TSC22D1: variants seen among roughly 807,000 people sequenced by gnomAD.
The protein encoded by TSC22D1 is TSC22 domain family member 1.
TSC22D1 carries 9 observed loss-of-function variants against 74.2 expected under a neutral mutation model. The observed-to-expected ratio is 0.12, with a 90% CI of 0.07 to 0.21. The LOEUF is 0.21. Among genes scored for constraint, TSC22D1 ranks in the 10% least tolerant of loss-of-function variants. TSC22D1 has a pLI of 1.00. For synonymous variants in TSC22D1, 586 were observed against 492.5 expected, an observed-to-expected ratio of 1.19 and a Z score of -2.51; for missense variants, 1,427 against 1,304.7, an observed-to-expected ratio of 1.09 and a Z score of -1.44.
intron 1 of TSC22D1, among the ~76,000 whole-genome samples, chr13:44,551,143 T>C (rs1882209907): frequency 6.6e-6 from 1 of 151,720 alleles, no homozygotes; most frequent in African/African-American, 2.4e-5. Flanking sequence ...TGGTGACATG[T>C]ACCTGCAGTC....
intron 1 of TSC22D1, among the ~76,000 whole-genome samples, chr13:44,439,042 T>C (rs1462829829): frequency 6.6e-6 from 1 of 152,266 alleles, no homozygotes; most frequent in African/African-American, 2.4e-5. Context: ...CTGAATTTAT[T>C]CATGCCGTTC....
At chr13:44,556,178 T>C (rs1014891245) in intron 1 of TSC22D1, among the ~76,000 whole-genome samples, 1 of 150,918 alleles carries the variant, frequency 6.6e-6, no homozygotes, top group African/African-American at 2.4e-5. Context: ...CATTTATAAG[T>C]GAATCAGGAA....
intron 1 of TSC22D1, among the ~76,000 whole-genome samples, chr13:44,533,805 C>CA (rs1422313224): frequency 6.6e-6 from 1 of 151,886 alleles, no homozygotes; most frequent in Non-Finnish European, 1.5e-5. Flanking sequence ...AACAAACAAA[C>CA]AAAAATAGTA....
In TSC22D1 at chr13:44,528,469, A is replaced by G. The variant is rs181610686; in HGVS notation, c.2912+44694T>C. Among the ~76,000 whole-genome samples, 1,029 of 152,138 alleles carry G rather than the reference A, an allele frequency of 6.8e-3. 8 individuals carry two copies. Among genetic ancestry groups the G allele is most frequent in the Non-Finnish European group, 0.011 (745 of 67,898 alleles). ...TATAACATCGGTCAAAGAAGCCTCA[A>G]TTTTTTTAATTGTTTCAAACTAAAT... On this transcript the variant is annotated intron_variant, in intron 1 of 2. Coordinates refer to ENST00000458659, the MANE Select transcript of TSC22D1 (RefSeq NM_183422.4).
rs573357778 is a variant in TSC22D1 at position 44,519,823 on chromosome 13, T to C, written c.2912+53340A>G. 1.3e-4 allele frequency among the ~76,000 whole-genome samples: 20 copies of C among 152,236 alleles called. No homozygotes were observed. In the South Asian group the frequency reaches 4.2e-3, roughly 32 times the overall value. On this transcript the variant is annotated intron_variant, in intron 1 of 2. Transcript: ENST00000458659. ...GAGACAAGGTAATGACAACAGGATA[T>C]ATGGCTGAGATATTTCAGCCCTCCA...
chr13:44,437,059 G>T (rs1874754396), intron 1 of TSC22D1: 3 of 973,140 alleles, frequency 3.1e-6, no homozygotes, highest in Non-Finnish European at 3.7e-6. Flanking sequence ...TGCTCAGAGG[G>T]AGTGGGGTGC....
chr13:44,572,818 A>C (rs546866082), intron 1 of TSC22D1, among the ~76,000 whole-genome samples: 47 of 152,376 alleles, frequency 3.1e-4, no homozygotes, highest in Admixed American at 1.2e-3. Context: ...TAGCAGCTCA[A>C]AATAGATTAA....
chr13:44,446,248 C>T (rs895448783), intron 1 of TSC22D1, among the ~76,000 whole-genome samples: 6 of 152,136 alleles, frequency 3.9e-5, no homozygotes, highest in African/African-American at 1.4e-4. Flanking sequence ...GTAAGAGAAA[C>T]AAGCCACACT....
At chr13:44,444,337 A>G (rs1172217485) in intron 1 of TSC22D1, among the ~76,000 whole-genome samples, 3 of 149,948 alleles carry the variant, frequency 2.0e-5, no homozygotes, top group Admixed American at 1.3e-4. Flanking sequence ...AAAAAAAACA[A>G]TAATGACATT....
Position 44,551,389 on chromosome 13 carries a change from G to GGTGTGTGT in TSC22D1, c.2912+21766_2912+21773dup, listed in dbSNP as rs376368576. Among the ~76,000 whole-genome samples, 452 of 125,290 alleles carry GGTGTGTGT rather than the reference G, an allele frequency of 3.6e-3. 4 individuals are homozygous for GGTGTGTGT. The highest frequency in any genetic ancestry group is 4.3e-3 in the African/African-American group (139 of 32,102). The allele number at this position is 125,290 out of a possible 152,430, so 82.2% of individuals were successfully genotyped here. On this transcript the variant is annotated intron_variant, in intron 1 of 2. Coordinates refer to ENST00000458659, the MANE Select transcript of TSC22D1 (RefSeq NM_183422.4). ...AAAAACCCAAAACCCCAATCAGATG[G>GGTGTGTGT]GTGTGTGTGTGTGTGTGTGTGTGTG... is the stretch of plus-strand genomic sequence containing the variant.
In TSC22D1 at chr13:44,434,428, C is replaced by T; in HGVS notation, c.*198G>A. Reference sequence around the variant, plus strand: ...CTAATTCTCGGATTAACCTTTAATTCACCCAACTAAGAAATTTCTCCAAGC... The same window carrying T: ...CTAATTCTCGGATTAACCTTTAATTTACCCAACTAAGAAATTTCTCCAAGC... On this transcript the variant is annotated 3_prime_UTR_variant, in exon 3 of 3. Coordinates refer to ENST00000458659, the MANE Select transcript of TSC22D1 (RefSeq NM_183422.4). The T allele has an allele frequency of 3.0e-6, 4 of 1,355,612 alleles. No homozygotes were observed. Among genetic ancestry groups the T allele is most frequent in the South Asian group, 4.2e-5 (2 of 47,834 alleles). The allele number at this position is 1,355,612 out of a possible 1,614,324, so 84.0% of individuals were successfully genotyped here.
At chr13:44,520,256 G>A (rs997718011) in intron 1 of TSC22D1, among the ~76,000 whole-genome samples, 7 of 152,064 alleles carry the variant, frequency 4.6e-5, no homozygotes, top group African/African-American at 1.7e-4. Flanking sequence ...ACTAAAAACT[G>A]GCCAGAAAGA....
intron 1 of TSC22D1, among the ~76,000 whole-genome samples, chr13:44,455,843 A>G (rs776008089): frequency 3.9e-5 from 6 of 152,240 alleles, no homozygotes; most frequent in African/African-American, 9.6e-5. Flanking sequence ...TTTTAAATGC[A>G]TAAGGATAGA....
chr13:44,438,946 A>G (rs1300983798), intron 1 of TSC22D1, among the ~76,000 whole-genome samples: 1 of 152,234 alleles, frequency 6.6e-6, no homozygotes, highest in Non-Finnish European at 1.5e-5. Flanking sequence ...TTAAGCTATA[A>G]AAAGAGCTTT....
At chr13:44,567,286 C>T (rs1170576733) in intron 1 of TSC22D1, among the ~76,000 whole-genome samples, 1 of 152,040 alleles carries the variant, frequency 6.6e-6, no homozygotes, top group African/African-American at 2.4e-5. Flanking sequence ...AAGAAGAAAC[C>T]GACACTAGAA....
chr13:44,471,583 A>T (rs1453846500), intron 1 of TSC22D1, among the ~76,000 whole-genome samples: 1 of 152,228 alleles, frequency 6.6e-6, no homozygotes, highest in Non-Finnish European at 1.5e-5. Flanking sequence ...AGACTCTTCA[A>T]TGAACCTAAA....
chr13:44,524,311 C>A (rs1316714857), intron 1 of TSC22D1, among the ~76,000 whole-genome samples: 3 of 151,886 alleles, frequency 2.0e-5, no homozygotes, highest in Admixed American at 2.0e-4. Flanking sequence ...TCAGTAGCTT[C>A]TCTTAGATCC....
At chr13:44,463,635 T>C (rs1595096674) in intron 1 of TSC22D1, among the ~76,000 whole-genome samples, 1 of 152,294 alleles carries the variant, frequency 6.6e-6, no homozygotes, top group East Asian at 1.9e-4. Flanking sequence ...ATGTGTGGCA[T>C]TTGATTAGAG....
At chr13:44,563,693 T>C (rs1449347577) in intron 1 of TSC22D1, among the ~76,000 whole-genome samples, 1 of 151,732 alleles carries the variant, frequency 6.6e-6, no homozygotes, top group Non-Finnish European at 1.5e-5. Flanking sequence ...AACACTGCTT[T>C]TCTGACCTAC....
Sources: allele counts gnomAD v4.1 joint callset (sites outside exome capture counted in the v4.1 genomes callset), GRCh38; gene constraint gnomAD v4.1.1; transcripts MANE v1.5; gene names NCBI Gene and HGNC (gene_info 2026-07-23, HGNC 2026-07-21).